Variants in PIWIL2 observed in about 807,000 individuals in gnomAD.
The protein encoded by PIWIL2 is piwi like RNA-mediated gene silencing 2.
In PIWIL2, 81 loss-of-function variants were observed where a neutral mutation model predicts 116.5. That is an observed-to-expected ratio of 0.70 (90% CI 0.58 to 0.84). The LOEUF (loss-of-function observed/expected upper bound fraction) is 0.84. Among genes scored for constraint, PIWIL2 ranks in the 40% least tolerant of loss-of-function variants. The pLI is 0.00. For synonymous variants in PIWIL2, 489 were observed against 429.5 expected (o/e 1.14, Z -1.71); for missense variants, 1,272 against 1,212.3 (o/e 1.05, Z -0.73).
At chr8:22,311,729 C>G (rs1049866074) in intron 16 of PIWIL2, among the ~76,000 whole-genome samples, 6 of 152,106 alleles carry the variant, frequency 3.9e-5, no homozygotes, top group Non-Finnish European at 8.8e-5. Context: ...GATGACTGAT[C>G]AGGAACACTA....
At chr8:22,305,031 C>T (rs1831142191) in intron 12 of PIWIL2, among the ~76,000 whole-genome samples, 163 bp downstream of exon 12, 1 of 152,108 alleles carries the variant, frequency 6.6e-6, no homozygotes, top group East Asian at 1.9e-4. Context: ...AGAGGCACCA[C>T]TCACACTGGT....
intron 6 of PIWIL2, among the ~76,000 whole-genome samples, chr8:22,284,610 T>A (rs1830590196): frequency 6.6e-6 from 1 of 152,036 alleles, no homozygotes; most frequent in Non-Finnish European, 1.5e-5. Context: ...GTATGTGTAA[T>A]TTTGTATTCT....
At chr8:22,297,603 G>T (rs1200427538) in intron 10 of PIWIL2, among the ~76,000 whole-genome samples, 1 of 152,200 alleles carries the variant, frequency 6.6e-6, no homozygotes, top group East Asian at 1.9e-4. Context: ...TTCAGAACCA[G>T]TGCAATGGGC....
At chr8:22,351,740 T>C (rs1832367898) in intron 20 of PIWIL2, among the ~76,000 whole-genome samples, 1 of 151,416 alleles carries the variant, frequency 6.6e-6, no homozygotes, top group South Asian at 2.1e-4. Flanking sequence ...GGTTTCACCA[T>C]GTTGGCCAGG....
intron 20 of PIWIL2, among the ~76,000 whole-genome samples, chr8:22,326,129 A>T (rs1489182866): frequency 6.6e-6 from 1 of 152,040 alleles, no homozygotes; most frequent in Non-Finnish European, 1.5e-5. Flanking sequence ...GGAAACTGGG[A>T]TATCCACTCC....
intron 2 of PIWIL2, among the ~76,000 whole-genome samples, chr8:22,280,498 C>T (rs1830475166): frequency 6.6e-6 from 1 of 152,306 alleles, no homozygotes; most frequent in East Asian, 1.9e-4. Flanking sequence ...GTAGAGTTTA[C>T]ATTTGTCAAA....
chr8:22,343,171 G>A lies in PIWIL2; in HGVS notation c.2404-9788G>A, dbSNP rs1260798940. ...TAATCCCAGCACTTTGGGAGGGGCC[G>A]AGGTGGGCTGATCACCTGAGGTAGG... is the stretch of plus-strand genomic sequence containing the variant. On this transcript the variant is annotated intron_variant, in intron 20 of 22. Transcript: ENST00000356766. Among the ~76,000 whole-genome samples, 3 of 152,064 alleles carry A rather than the reference G, an allele frequency of 2.0e-5. No homozygotes were observed. In the East Asian group the frequency reaches 5.8e-4, roughly 29 times the overall value.
At chr8:22,348,297 C>T (rs1832275119) in intron 20 of PIWIL2, among the ~76,000 whole-genome samples, 1 of 152,084 alleles carries the variant, frequency 6.6e-6, no homozygotes, top group African/African-American at 2.4e-5. Context: ...GAGACTCCAT[C>T]TCAAAAATAA....
At chr8:22,294,900 GAA>G (rs57742067) in intron 10 of PIWIL2, among the ~76,000 whole-genome samples, 73 of 93,642 alleles carry the variant, frequency 7.8e-4, no homozygotes, top group African/African-American at 1.2e-3. Context: ...ATCTTTACTG[GAA>G]AAAAAAAAAA....
At chr8:22,301,937 G>C (rs903138117) in intron 10 of PIWIL2, among the ~76,000 whole-genome samples, 9 of 152,090 alleles carry the variant, frequency 5.9e-5, no homozygotes, top group African/African-American at 2.2e-4. Flanking sequence ...TGTAGGTTCT[G>C]TGTTTCATTC....
chr8:22,312,457 G>C (rs1831356759), intron 16 of PIWIL2, among the ~76,000 whole-genome samples: 1 of 152,114 alleles, frequency 6.6e-6, no homozygotes, highest in South Asian at 2.1e-4. Flanking sequence ...ATAGAGGTAG[G>C]GTTTCACTAT....
intron 13 of PIWIL2, 146 bp from the exon 14 acceptor site, chr8:22,307,787 G>C (rs1168967716): frequency 1.7e-6 from 1 of 605,518 alleles, no homozygotes. Context: ...CTTCCTAAGA[G>C]ATATATTTAA....
At chr8:22,298,479 A>G (rs1830967285) in intron 10 of PIWIL2, among the ~76,000 whole-genome samples, 1 of 152,224 alleles carries the variant, frequency 6.6e-6, no homozygotes, top group African/African-American at 2.4e-5. Context: ...ATTGGGATTC[A>G]GCAACTAGAG....
intron 20 of PIWIL2, among the ~76,000 whole-genome samples, chr8:22,330,995 T>G (rs1831848837): frequency 6.6e-6 from 1 of 151,878 alleles, no homozygotes; most frequent in Non-Finnish European, 1.5e-5. Context: ...GCCAACATGG[T>G]GAAACCCCGT....
chr8:22,291,551 A>G lies in PIWIL2; in HGVS notation c.1181+1205A>G, dbSNP rs182226283. Among the ~76,000 whole-genome samples the G allele has an allele frequency of 3.6e-3, 546 of 152,332 alleles. 1 individual carries two copies. The highest frequency in any genetic ancestry group is 5.8e-3 in the Non-Finnish European group (394 of 68,030). ...ATGTACTTGGAAGTAGAATTACTTA[A>G]TGGAAGGGCTGAACATTCTAAATCC... On this transcript the variant is annotated intron_variant, in intron 10 of 22. Coordinates refer to ENST00000356766, the MANE Select transcript of PIWIL2 (RefSeq NM_018068.5).
At chr8:22,303,286 G>C (rs1586558090) in intron 10 of PIWIL2, among the ~76,000 whole-genome samples, 1 of 152,208 alleles carries the variant, frequency 6.6e-6, no homozygotes, top group African/African-American at 2.4e-5. Context: ...CTGTAGTCTA[G>C]TTAATGATAT....
At chr8:22,297,067 C>T (rs1830924681) in intron 10 of PIWIL2, among the ~76,000 whole-genome samples, 1 of 152,012 alleles carries the variant, frequency 6.6e-6, no homozygotes, top group Admixed American at 6.6e-5. Context: ...CAACTCACTG[C>T]AGCCTCAAAC....
At chr8:22,332,669 AGAT>A (rs773143528) in intron 20 of PIWIL2, among the ~76,000 whole-genome samples, 1 of 152,130 alleles carries the variant, frequency 6.6e-6, no homozygotes, top group Non-Finnish European at 1.5e-5. Flanking sequence ...GTAAGCCACA[AGAT>A]AATAATATAA....
intron 20 of PIWIL2, among the ~76,000 whole-genome samples, chr8:22,347,539 T>TTC (rs1236817128): frequency 2.2e-3 from 300 of 135,062 alleles, no homozygotes; most frequent in African/African-American, 7.4e-3. Context: ...TTTTTTTTTT[T>TTC]TATTTGAGAC....
Sources: allele counts gnomAD v4.1 joint callset (sites outside exome capture counted in the v4.1 genomes callset), GRCh38; gene constraint gnomAD v4.1.1; transcripts MANE v1.5; gene names NCBI Gene and HGNC (gene_info 2026-07-23, HGNC 2026-07-21).